Variants in CASD1 observed in about 807,000 individuals in gnomAD.
The protein encoded by CASD1 is N-acetylneuraminate (7)9-O-acetyltransferase.
CASD1 carries 41 observed loss-of-function variants against 100.0 expected under a neutral mutation model. The observed-to-expected ratio is 0.41, with a 90% CI of 0.32 to 0.53. CASD1 has a LOEUF of 0.53. Ranked by LOEUF, CASD1 falls within the 20% of genes least tolerant of loss-of-function variation. The probability of loss-of-function intolerance (pLI) is 0.25; values close to 1 mark genes in which losing one functional copy is unlikely to be tolerated. For synonymous variants in CASD1, 321 were observed against 315.6 expected (o/e 1.02, Z -0.18); for missense variants, 774 against 948.7 (o/e 0.82, Z 2.42).
At chr7:94,528,127 T>A in intron 4 of CASD1, 61 bp from the exon 5 acceptor site, 1 of 1,144,144 alleles carries the variant, frequency 8.7e-7, no homozygotes, top group East Asian at 2.3e-5. Context: ...AATGTTTATT[T>A]TGAATGGTGG....
intron 17 of CASD1, 124 bp downstream of exon 17, chr7:94,554,699 A>C: frequency 1.8e-6 from 1 of 543,992 alleles, no homozygotes; most frequent in Non-Finnish European, 3.2e-6. Context: ...TTTTTTCTAA[A>C]CTGAAGCTAT....
the CASD1 span, chr7:94,598,771 T>C: frequency 1.3e-6 from 2 of 1,595,928 alleles, no homozygotes; most frequent in Non-Finnish European, 1.7e-6. Context: ...AAGTGGACAC[T>C]TACTGCTGCG....
chr7:94,547,676 G>T (rs555257423), intron 13 of CASD1, among the ~76,000 whole-genome samples: 2 of 151,548 alleles, frequency 1.3e-5, no homozygotes, highest in South Asian at 4.2e-4. Flanking sequence ...CTCTAACCTT[G>T]TATTTTTCTA....
At chr7:94,536,315 CA>C (rs1414952650) in intron 8 of CASD1, among the ~76,000 whole-genome samples, 3 of 152,132 alleles carry the variant, frequency 2.0e-5, no homozygotes, top group African/African-American at 7.2e-5. Flanking sequence ...ACATACTGAA[CA>C]AATCCAAGTT....
the CASD1 span, chr7:94,598,881 G>C: frequency 6.2e-7 from 1 of 1,613,002 alleles, no homozygotes; most frequent in Middle Eastern, 1.7e-4. Context: ...GTTGACAGGG[G>C]CCATGCTATC....
chr7:94,532,337 T>C (rs1794891602), intron 5 of CASD1, among the ~76,000 whole-genome samples: 1 of 152,236 alleles, frequency 6.6e-6, no homozygotes, highest in East Asian at 1.9e-4. Flanking sequence ...ATTTTTGAGC[T>C]TTGGGGTCAT....
the CASD1 span, among the ~76,000 whole-genome samples, chr7:94,570,707 C>T: frequency 1.3e-5 from 2 of 152,148 alleles, no homozygotes; most frequent in Admixed American, 6.6e-5. Context: ...GTTGGCCAGG[C>T]TGATCTCCAA....
At chr7:94,553,433 C>T (rs1796044247) in intron 16 of CASD1, among the ~76,000 whole-genome samples, 1 of 152,132 alleles carries the variant, frequency 6.6e-6, no homozygotes. Context: ...CTGAGTGGTT[C>T]ACTTTGGTTC....
In CASD1 at chr7:94,537,667, T is replaced by G. The variant is rs141905488; in HGVS notation, c.1039T>G (p.Leu347Val). ...TCGGAAGAATAAGCCGTGTACTGATTTGGAAAGTGGAGAGGAAAAGAAAAA... is the reference window on the plus strand; with the variant it reads ...TCGGAAGAATAAGCCGTGTACTGATGTGGAAAGTGGAGAGGAAAAGAAAAA... ...AHRKNKPCTD[L>V]ESGEEKKNII... Residue 347 changes from leucine to valine, a missense_variant, in exon 9 of 18, where the codon TTG becomes GTG. This residue lies in a region of CASD1 where 453 missense variants were observed against 532.6 expected (regional missense o/e 0.85). Coordinates refer to ENST00000297273, the MANE Select transcript of CASD1 (RefSeq NM_022900.5). The G allele has an allele frequency of 2.5e-6, 4 of 1,613,670 alleles. No homozygotes were observed. The African/African-American group carries it at 4.0e-5, about 16-fold the overall frequency.
At chr7:94,565,321 G>A in the CASD1 span, among the ~76,000 whole-genome samples, 1 of 152,090 alleles carries the variant, frequency 6.6e-6, no homozygotes, top group East Asian at 1.9e-4. Flanking sequence ...TAATAGACCT[G>A]CCTTGGCTGA....
the CASD1 span, chr7:94,628,221 C>T: frequency 6.2e-7 from 1 of 1,611,438 alleles, no homozygotes; most frequent in East Asian, 2.2e-5. Context: ...TGTTGGCTTC[C>T]CCACATTTTC....
At chr7:94,604,720 A>T in the CASD1 span, among the ~76,000 whole-genome samples, 1 of 149,018 alleles carries the variant, frequency 6.7e-6, no homozygotes, top group Non-Finnish European at 1.5e-5. Flanking sequence ...TGAGAAGCAT[A>T]TGTGAAATTT....
rs754001704 is a variant in CASD1, at chr7:94,533,193, G to C, written c.460-12G>C. 6.3e-7 allele frequency: 1 copy of C among 1,598,886 alleles called. No homozygotes were observed. Among genetic ancestry groups the C allele is most frequent in the Non-Finnish European group, 8.6e-7 (1 of 1,168,660 alleles). On this transcript the variant is annotated splice_polypyrimidine_tract_variant and intron_variant, in intron 5 of 17. Transcript: ENST00000297273. ...GATTATAATACTATGATAAAGATTT[G>C]TCTTCCTTTAGGATTCCATTGCAAA...
the CASD1 span, chr7:94,620,118 T>C: frequency 6.6e-6 from 1 of 152,214 alleles, no homozygotes; most frequent in Non-Finnish European, 1.5e-5. Flanking sequence ...ATCTGTAAGA[T>C]ATTCCACTTT....
chr7:94,537,524 A>T lies in CASD1; in HGVS notation c.896A>T (p.Asp299Val). ...TGCAATAAGATTTTGAAGCCTGTAG[A>T]TGGGTCCTGTTGTCAACCTCGGCCT... ...VYCNKILKPV[D>V]GSCCQPRPPV... Residue 299 changes from aspartate to valine, a missense_variant, in exon 9 of 18, where the codon GAT (aspartate) becomes GTT (valine). Around this residue, in one of 5 missense-constraint regions of CASD1, gnomAD observed 453 missense variants for 532.6 expected, o/e 0.85. Coordinates refer to ENST00000297273, the MANE Select transcript of CASD1 (RefSeq NM_022900.5). 6.2e-7 allele frequency: 1 copy of T among 1,613,696 alleles called. No individual in the cohort carries two copies. Among genetic ancestry groups the T allele is most frequent in the Non-Finnish European group, 8.5e-7 (1 of 1,179,852 alleles).
chr7:94,528,830 C>G (rs1794708130), intron 5 of CASD1, among the ~76,000 whole-genome samples: 1 of 152,066 alleles, frequency 6.6e-6, no homozygotes, highest in African/African-American at 2.4e-5. Context: ...GTCTGTCAGT[C>G]CTTTAATTAA....
chr7:94,549,498 C>T (rs746898676), intron 13 of CASD1, 35 bp from the exon 14 acceptor site: 12 of 1,431,348 alleles, frequency 8.4e-6, no homozygotes, highest in Non-Finnish European at 1.2e-5. Flanking sequence ...TTGACTTGTA[C>T]CATCTTAATT....
intron 1 of CASD1, among the ~76,000 whole-genome samples, chr7:94,512,364 T>A (rs1355411405): frequency 6.6e-6 from 1 of 152,206 alleles, no homozygotes; most frequent in Non-Finnish European, 1.5e-5. Context: ...GCTTGGAAAA[T>A]CTTGCTTTAG....
At position 94,518,331 on chromosome 7, in the gene CASD1, T is replaced by G; in HGVS notation, c.351+8T>G. The G allele has an allele frequency of 3.2e-6, 5 of 1,567,688 alleles. No homozygotes were observed. The highest frequency in any genetic ancestry group is 4.3e-6 in the Non-Finnish European group (5 of 1,155,246). ...AAAGAAGAAGGAAATAAGGTAAAAC[T>G]TGTCTATTCCCTTCTGTAGAGTGTT... On this transcript the variant is annotated splice_region_variant and intron_variant, in intron 3 of 17. Transcript: ENST00000297273.
Sources: gnomAD v4.1 joint callset for allele counts (sites outside exome capture counted in the v4.1 genomes callset) on GRCh38, gnomAD v4.1.1 for gene constraint, gnomAD v4.1.1 regional missense constraint, MANE v1.5 for transcripts, NCBI Gene and HGNC (gene_info 2026-07-23, HGNC 2026-07-21) for gene names.